ADSS1: variants seen among roughly 807,000 people sequenced by gnomAD.
ADSS1 encodes the protein adenylosuccinate synthase 1.
Under a neutral mutation model 59.1 loss-of-function variants are expected in ADSS1, and 57 were observed. The ratio of observed to expected loss-of-function variants is 0.97; its 90% CI spans 0.78 to 1.20. The LOEUF is 1.20. Ranked by LOEUF, ADSS1 falls within the 50% of genes most tolerant of loss-of-function variation. ADSS1 has a pLI of 0.00. For synonymous variants in ADSS1, 247 were observed against 249.4 expected, an observed-to-expected ratio of 0.99 and a Z score of 0.09; for missense variants, 603 against 610.3, an observed-to-expected ratio of 0.99 and a Z score of 0.13.
At position 104,740,971 on chromosome 14, in the gene ADSS1, G is replaced by A. The variant is rs1277386828; in HGVS notation, c.666+51G>A. 1 of 1,611,992 alleles carries A rather than the reference G, an allele frequency of 6.2e-7. No homozygotes were observed. The highest frequency in any genetic ancestry group is 8.5e-7 in the Non-Finnish European group (1 of 1,178,554). On this transcript the variant is annotated intron_variant, in intron 7 of 12. Transcript: ENST00000330877. The surrounding 1 kb of genome is among the most constrained non-coding windows in gnomAD (Gnocchi z 4.8). ...GCTGCGGAAGTGCTCCTCCAGGGAG[G>A]CTGGATGTCCTACCTGGTGCTCGTT...
rs776580776 is a variant in ADSS1 at position 104,746,901 on chromosome 14, G to T, written c.1322-50G>T. On this transcript the variant is annotated intron_variant, in intron 12 of 12. Transcript: ENST00000330877. The stretch of plus-strand genomic sequence containing the variant: ...TACGACACTAAAGACAACTTTTTCT[G>T]AACTTTCTGCCTCCAGTGTGTATCA... 1.9e-6 allele frequency: 3 copies of T among 1,598,484 alleles called. 1 individual carries two copies. The Middle Eastern group carries it at 5.0e-4, about 265-fold the overall frequency.
rs1036146804 is a variant in ADSS1 at position 104,740,866 on chromosome 14, G to C, written c.612G>C (p.Gln204His). ...TCAAGAACCTGGCCCACCAGCACCA[G>C]TCGATGTTCCCCACCCTGGAAATAG... ...SRFKNLAHQH[Q>H]SMFPTLEIDI... The change falls in exon 7 of 13, where the codon CAG (glutamine) becomes CAC (histidine). Residue 204 changes from glutamine to histidine, a missense_variant. Physicochemically the swap from Gln to His is conservative, Grantham distance 24. Transcript: ENST00000330877. This position sits in a 1 kb window ranked among gnomAD's most constrained non-coding sequence, Gnocchi z 4.8. 1.2e-6 allele frequency: 2 copies of C among 1,613,940 alleles called. No individual in the cohort carries two copies. The highest frequency in any genetic ancestry group is 1.7e-6 in the Non-Finnish European group (2 of 1,180,030).
rs73360636 is a variant in ADSS1 at position 104,734,970 on chromosome 14, G to A, written c.193-50G>A. On this transcript the variant is annotated intron_variant, in intron 1 of 12. Coordinates refer to ENST00000330877, the MANE Select transcript of ADSS1 (RefSeq NM_152328.5). ...CCCATGTGGGTCAGTCCATGTCCGGGGGGTCCTCAGTACCCAAGTGCCTTC... is the reference window on the plus strand; with the variant it reads ...CCCATGTGGGTCAGTCCATGTCCGGAGGGTCCTCAGTACCCAAGTGCCTTC... 5,132 of 1,534,004 alleles carry A rather than the reference G, an allele frequency of 3.3e-3. 100 individuals are homozygous for A. In the African/African-American group the frequency reaches 0.052, roughly 15 times the overall value.
At position 104,743,269 on chromosome 14, in the gene ADSS1, C is replaced by T. The variant is rs1891440244; in HGVS notation, c.1073+78C>T. The T allele has an allele frequency of 7.6e-6, 12 of 1,573,438 alleles. No homozygotes were observed. In the Admixed American group the frequency reaches 1.9e-4, roughly 24 times the overall value. ...CTGCAGAGGCAAGCAGCACTTGACG[C>T]AGGGGCTGAGGGCCACCAAGTCTCC... On this transcript the variant is annotated intron_variant, in intron 10 of 12. Coordinates refer to ENST00000330877, the MANE Select transcript of ADSS1 (RefSeq NM_152328.5).
chr14:104,737,648 C>A (rs1891181771), intron 2 of ADSS1: 1 of 152,480 alleles, frequency 6.6e-6, no homozygotes, highest in East Asian at 1.9e-4. Flanking sequence ...CTTATCTTCA[C>A]ACACTGAAAT....
At chr14:104,732,298 C>G (rs1890960002) in intron 1 of ADSS1, among the ~76,000 whole-genome samples, 1 of 152,222 alleles carries the variant, frequency 6.6e-6, no homozygotes, top group Non-Finnish European at 1.5e-5. Context: ...CTGTGGGAAT[C>G]CCAGGCTGAA....
chr14:104,743,846 G>A (rs1171350066), intron 10 of ADSS1, among the ~76,000 whole-genome samples: 2 of 152,244 alleles, frequency 1.3e-5, no homozygotes, highest in Non-Finnish European at 2.9e-5. Context: ...TCTGGGATCC[G>A]TGACCCTCAC....
Position 104,724,261 on chromosome 14 carries a change from C to T in ADSS1, c.-10C>T, listed in dbSNP as rs1268586598. On this transcript the variant is annotated 5_prime_UTR_variant, in exon 1 of 13. Coordinates refer to ENST00000330877, the MANE Select transcript of ADSS1 (RefSeq NM_152328.5). The stretch of plus-strand genomic sequence containing the variant: ...TGGCCGGGCCAGCGCAGCGGAAGAG[C>T]CAAGCCAGCATGTCGGGGACCCGAG... The T allele has an allele frequency of 6.5e-6, 8 of 1,227,014 alleles. No homozygotes were observed. Among genetic ancestry groups the T allele is most frequent in the Non-Finnish European group, 6.1e-6 (6 of 983,964 alleles). 76.0% of individuals were successfully genotyped at this position (1,227,014 alleles called of 1,614,324 possible).
chr14:104,737,078 TACACTGAC>T (rs1891163693), intron 2 of ADSS1: 2 of 151,976 alleles, frequency 1.3e-5, no homozygotes, highest in African/African-American at 4.8e-5. Flanking sequence ...TCGATGAACC[TACACTGAC>T]AGGTCATGAT....
chr14:104,735,043 G>A lies in ADSS1; in HGVS notation c.216G>A (p.Thr72=), dbSNP rs74089207. Residue 72 remains threonine (T), a synonymous_variant, in exon 2 of 13, where the codon ACG becomes ACA. Transcript: ENST00000330877. ...RCQGGNNAGH[T]VVVDGKEYDF... is the part of the protein sequence containing the mutation. The stretch of plus-strand genomic sequence containing the variant: ...AGGGGGGCAACAACGCCGGCCACAC[G>A]GTGGTGGTGGATGGGAAAGAGTACG... 8.3e-4 allele frequency: 1,336 copies of A among 1,613,518 alleles called. 11 individuals carry two copies. The African/African-American group carries it at 0.016, about 19-fold the overall frequency.
intron 2 of ADSS1, among the ~76,000 whole-genome samples, chr14:104,736,845 A>G (rs1422220298): frequency 1.4e-5 from 2 of 147,052 alleles, no homozygotes; most frequent in Non-Finnish European, 3.0e-5. Flanking sequence ...TCTCCCAAGT[A>G]GCCAGGACTA....
intron 2 of ADSS1, among the ~76,000 whole-genome samples, chr14:104,735,367 C>G (rs777473775): frequency 6.6e-6 from 1 of 151,936 alleles, no homozygotes; most frequent in African/African-American, 2.4e-5. Flanking sequence ...TCACATCCAC[C>G]GCGCAGGAGC....
intron 1 of ADSS1, among the ~76,000 whole-genome samples, chr14:104,726,274 A>C (rs1389144415): frequency 6.6e-6 from 1 of 152,204 alleles, no homozygotes; most frequent in Non-Finnish European, 1.5e-5. Flanking sequence ...GGCGTGGAGG[A>C]ATGAGTCACT....
chr14:104,742,129 AC>A, intron 9 of ADSS1, 127 bp downstream of exon 9: 1 of 1,358,950 alleles, frequency 7.4e-7, no homozygotes, highest in Non-Finnish European at 1.0e-6. Context: ...CCCATCTCCC[AC>A]CAGGGCGCTT....
chr14:104,733,367 G>C (rs1225963765), intron 1 of ADSS1, among the ~76,000 whole-genome samples: 1 of 152,180 alleles, frequency 6.6e-6, no homozygotes, highest in African/African-American at 2.4e-5. Context: ...ATCTGCCAGT[G>C]TGTGAAGTTA....
intron 2 of ADSS1, 121 bp downstream of exon 2, chr14:104,735,243 G>GATC: frequency 1.1e-6 from 1 of 922,968 alleles, no homozygotes; most frequent in Non-Finnish European, 1.6e-6. Flanking sequence ...CAGTAGGCTG[G>GATC]ACCCCAGCCT....
chr14:104,729,165 C>T (rs1393756227), intron 1 of ADSS1, among the ~76,000 whole-genome samples: 1 of 152,160 alleles, frequency 6.6e-6, no homozygotes, highest in South Asian at 2.1e-4. Context: ...AGGAGTCATC[C>T]ATGGCAGTAA....
intron 1 of ADSS1, among the ~76,000 whole-genome samples, chr14:104,729,271 C>G (rs993592925): frequency 1.3e-5 from 2 of 152,120 alleles, no homozygotes; most frequent in Non-Finnish European, 2.9e-5. Context: ...GGACAGCCCC[C>G]AAGCCAGGCA....
In ADSS1 at chr14:104,727,489, G is replaced by A. The variant is rs148636133; in HGVS notation, c.192+3027G>A. 7.2e-3 allele frequency among the ~76,000 whole-genome samples: 1,097 copies of A among 152,206 alleles called. 6 individuals carry two copies. The highest frequency in any genetic ancestry group is 0.012 in the Non-Finnish European group (833 of 68,012). On this transcript the variant is annotated intron_variant, in intron 1 of 12. Coordinates refer to ENST00000330877, the MANE Select transcript of ADSS1 (RefSeq NM_152328.5). ...TCCAGGCTGAGTCTCCTCTGAGCCAGGTCTGCCCTCCCTGCTCTGCGGCCA... is the reference window on the plus strand; with the variant it reads ...TCCAGGCTGAGTCTCCTCTGAGCCAAGTCTGCCCTCCCTGCTCTGCGGCCA...
Sources: allele counts gnomAD v4.1 joint callset (sites outside exome capture counted in the v4.1 genomes callset), GRCh38; gene constraint gnomAD v4.1.1; non-coding constraint Gnocchi (gnomAD v3.1); transcripts MANE v1.5; gene names NCBI Gene and HGNC (gene_info 2026-07-23, HGNC 2026-07-21).